The following CACNA2D3 variants were observed in gnomAD, a reference collection of about 807,000 sequenced individuals.
CACNA2D3 encodes voltage-dependent calcium channel subunit alpha-2/delta-3.
A neutral mutation model predicts 160.6 loss-of-function variants in CACNA2D3; 60 were observed. That is an observed-to-expected ratio of 0.37 (90% CI 0.30 to 0.46). The LOEUF (loss-of-function observed/expected upper bound fraction) is 0.46, where lower values mean the gene tolerates loss of function less well. CACNA2D3 is among the 20% of genes least tolerant of loss of function. The probability of loss-of-function intolerance (pLI) is 1.00; values close to 1 mark genes in which losing one functional copy is unlikely to be tolerated. For synonymous variants in CACNA2D3, 558 were observed against 492.9 expected, an observed-to-expected ratio of 1.13 and a Z score of -1.75; for missense variants, 1,205 against 1,365.0, an observed-to-expected ratio of 0.88 and a Z score of 1.85.
At chr3:54,139,051 A>G (rs55901264) in intron 2 of CACNA2D3, among the ~76,000 whole-genome samples, 42,333 of 152,050 alleles carry the variant, frequency 0.28, 6,371 homozygotes, top group East Asian at 0.56. Context: ...GACACTGCTG[A>G]GCTTGGGGAT....
intron 2 of CACNA2D3, among the ~76,000 whole-genome samples, chr3:54,150,606 T>C (rs1342343190): frequency 6.6e-6 from 1 of 152,234 alleles, no homozygotes; most frequent in Admixed American, 6.5e-5. Flanking sequence ...AATGGTAATG[T>C]CATTATTATT....
At chr3:54,970,892 T>A (rs1702263920) in intron 29 of CACNA2D3, among the ~76,000 whole-genome samples, 1 of 151,976 alleles carries the variant, frequency 6.6e-6, no homozygotes, top group South Asian at 2.1e-4. Context: ...AGTCACATAT[T>A]TATATTCCTT....
chr3:54,290,458 G>A (rs1340187483), intron 2 of CACNA2D3, among the ~76,000 whole-genome samples: 1 of 152,118 alleles, frequency 6.6e-6, no homozygotes, highest in Non-Finnish European at 1.5e-5. Flanking sequence ...TACACTGTGT[G>A]TGGGACTGTA....
chr3:54,533,618 A>G (rs973114208), intron 5 of CACNA2D3, among the ~76,000 whole-genome samples: 1 of 152,112 alleles, frequency 6.6e-6, no homozygotes, highest in African/African-American at 2.4e-5. Context: ...TACAGGTGTG[A>G]GCCACAGCAC....
chr3:54,537,365 A>C (rs957265657), intron 5 of CACNA2D3, among the ~76,000 whole-genome samples: 4 of 152,012 alleles, frequency 2.6e-5, no homozygotes, highest in Non-Finnish European at 5.9e-5. Flanking sequence ...ACTTGGAGGA[A>C]ATGCTTCAAA....
intron 29 of CACNA2D3, among the ~76,000 whole-genome samples, chr3:54,970,417 C>G (rs1446755705): frequency 6.8e-6 from 1 of 147,566 alleles, no homozygotes; most frequent in Non-Finnish European, 1.5e-5. Flanking sequence ...CTCTCTCTCT[C>G]TCCGTCTCCC....
At chr3:54,403,189 G>T (rs1699503086) in intron 4 of CACNA2D3, among the ~76,000 whole-genome samples, 1 of 151,546 alleles carries the variant, frequency 6.6e-6, no homozygotes, top group Non-Finnish European at 1.5e-5. Flanking sequence ...ACCTGTCTCT[G>T]CAAAAAATAA....
intron 13 of CACNA2D3, among the ~76,000 whole-genome samples, chr3:54,767,306 T>C (rs566836439): frequency 1.3e-5 from 2 of 152,284 alleles, no homozygotes; most frequent in South Asian, 2.1e-4. Context: ...CAATATTAAA[T>C]TTTGAACACA....
intron 11 of CACNA2D3, among the ~76,000 whole-genome samples, chr3:54,723,393 G>A (rs1701212452): frequency 2.0e-5 from 3 of 152,314 alleles, no homozygotes; most frequent in South Asian, 4.1e-4. Flanking sequence ...CCTTTCCAGG[G>A]GAGTGAATGG....
At chr3:54,917,087 CTG>C (rs1370023833) in intron 27 of CACNA2D3, among the ~76,000 whole-genome samples, 3 of 152,196 alleles carry the variant, frequency 2.0e-5, no homozygotes, top group African/African-American at 7.2e-5. Flanking sequence ...TAACAGGTGA[CTG>C]TGAGCATCAT....
chr3:54,152,407 A>G (rs769792557), intron 2 of CACNA2D3, among the ~76,000 whole-genome samples: 9 of 152,220 alleles, frequency 5.9e-5, no homozygotes, highest in Non-Finnish European at 1.2e-4. Context: ...AAAAAAATCC[A>G]TGAGCGACTT....
At chr3:54,203,283 C>T (rs1701210183) in intron 2 of CACNA2D3, among the ~76,000 whole-genome samples, 1 of 152,126 alleles carries the variant, frequency 6.6e-6, no homozygotes, top group Non-Finnish European at 1.5e-5. Context: ...GGGTGTGGCT[C>T]GCTTCTTCAC....
chr3:54,430,684 A>T (rs1699976205), intron 4 of CACNA2D3, among the ~76,000 whole-genome samples: 1 of 152,186 alleles, frequency 6.6e-6, no homozygotes, highest in African/African-American at 2.4e-5. Context: ...CCAGACCTGC[A>T]ATGACTTTGA....
Position 54,515,834 on chromosome 3 carries a change from G to T in CACNA2D3, c.544+12180G>T, listed in dbSNP as rs144157067. On this transcript the variant is annotated intron_variant, in intron 5 of 37. Coordinates refer to ENST00000474759, the MANE Select transcript of CACNA2D3 (RefSeq NM_018398.3). ...CTTCCAAGGGTCACACTGGAAACTG[G>T]GATTAGAAGTGAGGTTTTCTTGTCT... Among the ~76,000 whole-genome samples, 201 of 152,288 alleles carry T rather than the reference G, an allele frequency of 1.3e-3. 2 individuals carry two copies. The highest frequency in any genetic ancestry group is 4.5e-3 in the African/African-American group (187 of 41,550).
intron 2 of CACNA2D3, among the ~76,000 whole-genome samples, chr3:54,127,927 T>G (rs1699628339): frequency 7.8e-6 from 1 of 128,252 alleles, no homozygotes; most frequent in South Asian, 2.9e-4. Context: ...TTCTTTTCCT[T>G]TAACTTGTTT....
At chr3:54,761,479 T>C (rs145052611) in intron 12 of CACNA2D3, among the ~76,000 whole-genome samples, 1 of 152,224 alleles carries the variant, frequency 6.6e-6, no homozygotes, top group East Asian at 1.9e-4. Context: ...GGAGAGATGA[T>C]AACTGTGTAT....
chr3:54,589,543 A>G (rs918579911), intron 9 of CACNA2D3, among the ~76,000 whole-genome samples: 9 of 149,586 alleles, frequency 6.0e-5, no homozygotes, highest in African/African-American at 1.7e-4. Context: ...GTTAAAATGG[A>G]TCTCATTAAA....
intron 12 of CACNA2D3, among the ~76,000 whole-genome samples, chr3:54,755,704 G>A (rs1701956408): frequency 6.6e-6 from 1 of 152,034 alleles, no homozygotes; most frequent in South Asian, 2.1e-4. Context: ...GGCCTTTCTT[G>A]AAATTAGTTT....
intron 11 of CACNA2D3, among the ~76,000 whole-genome samples, chr3:54,747,436 C>T (rs1462214568): frequency 6.6e-6 from 1 of 152,074 alleles, no homozygotes; most frequent in Non-Finnish European, 1.5e-5. Context: ...CATGGGCATT[C>T]AGAATTATAA....
Sources: gnomAD v4.1 joint callset for allele counts (sites outside exome capture counted in the v4.1 genomes callset) on GRCh38, gnomAD v4.1.1 for gene constraint, MANE v1.5 for transcripts, NCBI Gene and HGNC (gene_info 2026-07-23, HGNC 2026-07-21) for gene names.